TFB1M: variants seen among roughly 807,000 people sequenced by gnomAD.
TFB1M encodes transcription factor B1, mitochondrial.
In TFB1M, 27 loss-of-function variants were observed where a neutral mutation model predicts 31.1. The ratio of observed to expected loss-of-function variants is 0.87; its 90% CI spans 0.64 to 1.20. The LOEUF is 1.20. Ranked by LOEUF, TFB1M falls within the 50% of genes most tolerant of loss-of-function variation. The probability of loss-of-function intolerance (pLI) is 0.00; values close to 1 mark genes in which losing one functional copy is unlikely to be tolerated. For missense variants in TFB1M, 394 were observed against 418.7 expected (o/e 0.94, Z 0.51); for synonymous variants, 166 against 151.8 (o/e 1.09, Z -0.69).
chr6:155,240,383 T>C, the TFB1M span: 18 of 722,736 alleles, frequency 2.5e-5, no homozygotes, highest in South Asian at 2.5e-4. Context: ...CCAGAGGGGT[T>C]TGAGGTGAAT....
intron 5 of TFB1M, 139 bp downstream of exon 5, chr6:155,285,019 G>T: frequency 2.7e-6 from 3 of 1,102,514 alleles, no homozygotes; most frequent in Non-Finnish European, 2.7e-6. Flanking sequence ...GATTTTTGTG[G>T]TTCTTATTCA....
chr6:155,294,238 A>G (rs6911945), intron 4 of TFB1M, among the ~76,000 whole-genome samples: 44,380 of 152,148 alleles, frequency 0.29, 7,228 homozygotes, highest in East Asian at 0.66. Flanking sequence ...AAAGGTAAAC[A>G]TAAAGCTTCT....
At chr6:155,282,113 C>T (rs1045471088) in intron 5 of TFB1M, among the ~76,000 whole-genome samples, 1 of 152,160 alleles carries the variant, frequency 6.6e-6, no homozygotes, top group African/African-American at 2.4e-5. Context: ...TAAAAAAATT[C>T]TAACTTAAAA....
chr6:155,314,448 C>G lies in TFB1M; in HGVS notation c.-20G>C, dbSNP rs113023366. 2.5e-6 allele frequency: 4 copies of G among 1,614,026 alleles called. No individual in the cohort carries two copies. The highest frequency in any genetic ancestry group is 1.7e-5 in the Admixed American group (1 of 60,034). ...AGCCATGATACGCGGCAAGCACCAT[C>G]CAACCCTACCTCACCCAGGACCTTC... is the stretch of plus-strand genomic sequence containing the variant. On this transcript the variant is annotated 5_prime_UTR_variant, in exon 1 of 7. Coordinates refer to ENST00000367166, the MANE Select transcript of TFB1M (RefSeq NM_016020.4).
chr6:155,300,599 A>G (rs950925199), intron 2 of TFB1M, among the ~76,000 whole-genome samples: 2 of 152,216 alleles, frequency 1.3e-5, no homozygotes, highest in Admixed American at 1.3e-4. Context: ...TAATAGCTTA[A>G]GTCTCATGAT....
the TFB1M span, among the ~76,000 whole-genome samples, chr6:155,246,618 G>A: frequency 6.6e-6 from 1 of 152,186 alleles, no homozygotes; most frequent in African/African-American, 2.4e-5. Context: ...TTATAGGCAT[G>A]AGCCACCACG....
chr6:155,245,862 A>C, the TFB1M span: 20 of 537,278 alleles, frequency 3.7e-5, no homozygotes, highest in Non-Finnish European at 5.6e-5. Context: ...CTTGACCTTG[A>C]CAGTGGCAAA....
chr6:155,303,311 G>A (rs144046360), intron 2 of TFB1M: 1 of 152,118 alleles, frequency 6.6e-6, no homozygotes, highest in Non-Finnish European at 1.5e-5. Context: ...GTTGTCTTTA[G>A]AATAATGGCC....
chr6:155,300,655 C>T (rs1247701227), intron 2 of TFB1M, among the ~76,000 whole-genome samples: 1 of 152,174 alleles, frequency 6.6e-6, no homozygotes, highest in Admixed American at 6.5e-5. Context: ...AGGACTAAAA[C>T]ACAACAGAAC....
the TFB1M span, chr6:155,232,696 G>C: frequency 7.1e-6 from 1 of 140,158 alleles, no homozygotes; most frequent in Non-Finnish European, 1.6e-5. Flanking sequence ...CACAGAGTGG[G>C]TCGGCATGCG....
rs1305732712 is a variant in TFB1M, at chr6:155,266,988, G to C, written c.667-6588C>G. Among the ~76,000 whole-genome samples, 3 of 59,764 alleles carry C rather than the reference G, an allele frequency of 5.0e-5. No homozygotes were observed. The South Asian group carries it at 1.6e-3, about 32-fold the overall frequency. 39.2% of individuals were successfully genotyped at this position (59,764 alleles called of 152,430 possible). A position where few individuals can be genotyped will look rare whatever the true frequency, so the allele number is the denominator to read the frequency against. On this transcript the variant is annotated intron_variant, in intron 5 of 6. Coordinates refer to ENST00000367166, the MANE Select transcript of TFB1M (RefSeq NM_016020.4). ...TTGCTGCCTTTTTTTTTTTTTTTTT[G>C]AGACAGAGTCTCACTCTATCGCCCA... is the stretch of plus-strand genomic sequence containing the variant.
In TFB1M at chr6:155,298,440, T is replaced by C. The variant is rs772949110; in HGVS notation, c.394+37A>G. ...TGAACATTTGTGATATAAATAATCATAAAAGAAATGTTTTATAACTACCCA... is the reference window on the plus strand; with the variant it reads ...TGAACATTTGTGATATAAATAATCACAAAAGAAATGTTTTATAACTACCCA... On this transcript the variant is annotated intron_variant, in intron 3 of 6. Coordinates refer to ENST00000367166, the MANE Select transcript of TFB1M (RefSeq NM_016020.4). The C allele has an allele frequency of 5.8e-6, 6 of 1,035,034 alleles. No homozygotes were observed. In the African/African-American group the frequency reaches 7.9e-5, roughly 14 times the overall value. The allele number at this position is 1,035,034 out of a possible 1,614,324, so 64.1% of individuals were successfully genotyped here.
At chr6:155,242,753 G>T in the TFB1M span, among the ~76,000 whole-genome samples, 1 of 151,858 alleles carries the variant, frequency 6.6e-6, no homozygotes, top group African/African-American at 2.4e-5. Context: ...TTATTATTTT[G>T]GAGATGGAGT....
At chr6:155,297,444 T>C (rs927310087) in intron 3 of TFB1M, among the ~76,000 whole-genome samples, 2 of 152,166 alleles carry the variant, frequency 1.3e-5, no homozygotes, top group African/African-American at 4.8e-5. Context: ...AACACCTAGA[T>C]GAAGCTGTCA....
the TFB1M span, among the ~76,000 whole-genome samples, chr6:155,238,053 A>C: frequency 6.6e-6 from 1 of 152,208 alleles, no homozygotes; most frequent in East Asian, 1.9e-4. Context: ...TGCCTCCTCT[A>C]TAAGGCTGAA....
chr6:155,232,718 ATCTC>A, the TFB1M span: 64,389 of 151,448 alleles, frequency 0.43, 14,538 homozygotes, highest in Middle Eastern at 0.56. Context: ...AGGGAGAGGG[ATCTC>A]CCGCCAGGGA....
chr6:155,251,128 T>G, the TFB1M span: 2 of 949,250 alleles, frequency 2.1e-6, no homozygotes, highest in South Asian at 2.8e-5. Flanking sequence ...GGAGTCAGAA[T>G]TGCTATAATG....
downstream of TFB1M, among the ~76,000 whole-genome samples, chr6:155,252,657 G>A (rs1217488039): frequency 6.6e-6 from 1 of 152,112 alleles, no homozygotes; most frequent in African/African-American, 2.4e-5. Context: ...GATACCATAT[G>A]CCATTGGTTT....
downstream of TFB1M, chr6:155,251,923 C>A (rs764247399): frequency 6.3e-7 from 1 of 1,580,606 alleles, no homozygotes; most frequent in Non-Finnish European, 8.7e-7. Context: ...TAAAGACTTT[C>A]TTTCTCTTTT....
Sources: gnomAD v4.1 joint callset for allele counts (sites outside exome capture counted in the v4.1 genomes callset) on GRCh38, gnomAD v4.1.1 for gene constraint, MANE v1.5 for transcripts, NCBI Gene and HGNC (gene_info 2026-07-23, HGNC 2026-07-21) for gene names.